IQUB: variants seen among roughly 807,000 people sequenced by gnomAD.
IQUB encodes IQ motif and ubiquitin domain containing, also known as IQ motif and ubiquitin-like domain-containing protein.
IQUB carries 86 observed loss-of-function variants against 86.4 expected under a neutral mutation model. The ratio of observed to expected loss-of-function variants is 1.00; its 90% CI spans 0.84 to 1.19. The LOEUF is 1.19. Among genes scored for constraint, IQUB ranks in the 50% most tolerant of loss-of-function variants. IQUB has a pLI of 0.00. For missense variants in IQUB, 946 were observed against 916.9 expected, an observed-to-expected ratio of 1.03 and a Z score of -0.41; for synonymous variants, 289 against 304.5, an observed-to-expected ratio of 0.95 and a Z score of 0.53.
chr7:123,501,223 C>T (rs1279876418), intron 6 of IQUB: 1 of 152,160 alleles, frequency 6.6e-6, no homozygotes, highest in Non-Finnish European at 1.5e-5. Flanking sequence ...ACCATTTTAT[C>T]TTCATACAGT....
intron 8 of IQUB, among the ~76,000 whole-genome samples, chr7:123,477,317 T>C (rs1040387634): frequency 3.9e-5 from 6 of 152,198 alleles, no homozygotes; most frequent in African/African-American, 1.2e-4. Context: ...TTGACAAACC[T>C]GACAAAAACA....
chr7:123,509,385 TAC>T (rs1251095529), intron 3 of IQUB, among the ~76,000 whole-genome samples: 1 of 152,184 alleles, frequency 6.6e-6, no homozygotes, highest in East Asian at 1.9e-4. Flanking sequence ...CTTCCTGTTC[TAC>T]ACATTCTCTT....
intron 6 of IQUB, among the ~76,000 whole-genome samples, chr7:123,500,486 G>A (rs959861316): frequency 6.6e-6 from 1 of 151,890 alleles, no homozygotes; most frequent in African/African-American, 2.4e-5. Flanking sequence ...CAGTAGTCAC[G>A]CAAAATATCA....
At chr7:123,511,844 C>A (rs1796427691) in intron 2 of IQUB, 100 bp downstream of exon 2, 2 of 887,798 alleles carry the variant, frequency 2.3e-6, no homozygotes, top group Non-Finnish European at 3.3e-6. Context: ...AAAGGAATAT[C>A]AAATATAAAA....
intron 1 of IQUB, among the ~76,000 whole-genome samples, chr7:123,514,971 T>C (rs1796576741): frequency 6.6e-6 from 1 of 151,898 alleles, no homozygotes; most frequent in South Asian, 2.1e-4. Context: ...CTATAAGCAA[T>C]AAAAAACAGA....
At chr7:123,472,881 T>A (rs945504856) in intron 8 of IQUB, among the ~76,000 whole-genome samples, 1 of 152,202 alleles carries the variant, frequency 6.6e-6, no homozygotes, top group Admixed American at 6.5e-5. Flanking sequence ...ATAACAGATA[T>A]ACAACAATCA....
chr7:123,473,447 G>T (rs1287001158), intron 8 of IQUB, among the ~76,000 whole-genome samples: 2 of 152,168 alleles, frequency 1.3e-5, no homozygotes, highest in Non-Finnish European at 2.9e-5. Flanking sequence ...AAATTCAAAT[G>T]GTCTCTACAG....
intron 6 of IQUB, chr7:123,501,354 GAAAGTA>G (rs1441872132): frequency 2.0e-5 from 3 of 152,242 alleles, no homozygotes; most frequent in Non-Finnish European, 4.4e-5. Flanking sequence ...TTAAGACTGA[GAAAGTA>G]AAAAATTGTC....
intron 3 of IQUB, among the ~76,000 whole-genome samples, chr7:123,506,280 C>G (rs937997700): frequency 7.2e-5 from 11 of 152,318 alleles, no homozygotes; most frequent in Admixed American, 4.6e-4. Flanking sequence ...TCAAAGGCCT[C>G]CAAACACCTG....
chr7:123,499,956 C>T (rs945172657), intron 6 of IQUB, among the ~76,000 whole-genome samples: 1 of 152,146 alleles, frequency 6.6e-6, no homozygotes, highest in African/African-American at 2.4e-5. Flanking sequence ...CCACCAAAAC[C>T]AACATGGCGA....
chr7:123,514,686 G>C (rs945028725), intron 1 of IQUB, among the ~76,000 whole-genome samples: 1 of 151,996 alleles, frequency 6.6e-6, no homozygotes, highest in Non-Finnish European at 1.5e-5. Context: ...CTTTTATTGA[G>C]GCCATCACCC....
At chr7:123,521,669 C>T (rs1213063219) in intron 1 of IQUB, among the ~76,000 whole-genome samples, 1 of 150,896 alleles carries the variant, frequency 6.6e-6, no homozygotes, top group East Asian at 1.9e-4. Flanking sequence ...CACACACACA[C>T]ACACACACAC....
chr7:123,511,928 C>T lies in IQUB; in HGVS notation c.397+16G>A. ...AAAATGAGAAAATGAAATAGCCTAT[C>T]TTCCTTAGGTAGTACCTGTTGCTAG... On this transcript the variant is annotated intron_variant, in intron 2 of 12. Transcript: ENST00000324698. 1 of 1,513,322 alleles carries T rather than the reference C, an allele frequency of 6.6e-7. No homozygotes were observed. The highest frequency in any genetic ancestry group is 8.9e-7 in the Non-Finnish European group (1 of 1,122,598). The allele number at this position is 1,513,322 out of a possible 1,614,324, so 93.7% of individuals were successfully genotyped here. A position where few individuals can be genotyped will look rare whatever the true frequency, so the allele number is the denominator to read the frequency against.
At chr7:123,461,136 T>C (rs1365982338) in intron 11 of IQUB, among the ~76,000 whole-genome samples, 2 of 151,712 alleles carry the variant, frequency 1.3e-5, no homozygotes, top group African/African-American at 4.8e-5. Context: ...ATTCAACAAA[T>C]ATTGAGGGCC....
intron 10 of IQUB, among the ~76,000 whole-genome samples, chr7:123,461,860 G>T (rs982265835): frequency 1.3e-5 from 2 of 151,488 alleles, no homozygotes; most frequent in African/African-American, 2.4e-5. Context: ...GATATTTGTG[G>T]TAAAATCACT....
In IQUB at chr7:123,464,988, G is replaced by A. The variant is rs745426564; in HGVS notation, c.1603C>T (p.Gln535Ter). The A allele has an allele frequency of 2.7e-5, 43 of 1,590,268 alleles. No homozygotes were observed. The highest frequency in any genetic ancestry group is 3.5e-5 in the Non-Finnish European group (41 of 1,168,996). Residue 535 changes from glutamine to a stop codon, truncating the protein, a stop_gained, in exon 10 of 13, where the codon CAG becomes TAG. Coordinates refer to ENST00000324698, the MANE Select transcript of IQUB (RefSeq NM_178827.5). LOFTEE classifies it high-confidence loss of function. ...CTGTCAATCAATTCTAGAATTTCCT[G>A]AGTTAGTTTACATTCATGTTCCTAT... Reference protein sequence around the residue: ...TVKEHECKLTQEILELIDREV... With the variant: ...TVKEHECKLT
chr7:123,502,490 T>A, intron 6 of IQUB, 107 bp downstream of exon 6: 2 of 929,838 alleles, frequency 2.2e-6, no homozygotes, highest in Non-Finnish European at 1.7e-6. Context: ...CCCATACTCA[T>A]GAGCATTCTT....
chr7:123,499,974 G>A (rs1237718755), intron 6 of IQUB, among the ~76,000 whole-genome samples: 2 of 152,158 alleles, frequency 1.3e-5, no homozygotes, highest in African/African-American at 4.8e-5. Context: ...CGACAAGAGC[G>A]ACCTCTGGTC....
At chr7:123,510,337 G>A (rs755526082) in intron 2 of IQUB, among the ~76,000 whole-genome samples, 3 of 152,000 alleles carry the variant, frequency 2.0e-5, no homozygotes, top group African/African-American at 7.2e-5. Flanking sequence ...AGGAAATCAC[G>A]CATTTTTGCA....
Sources: gnomAD v4.1 joint callset for allele counts (sites outside exome capture counted in the v4.1 genomes callset) on GRCh38, gnomAD v4.1.1 for gene constraint, MANE v1.5 for transcripts, NCBI Gene and HGNC (gene_info 2026-07-23, HGNC 2026-07-21) for gene names.